Variants in CAMK1D observed in about 807,000 individuals in gnomAD.
The protein encoded by CAMK1D is calcium/calmodulin dependent protein kinase ID, also known as calcium/calmodulin-dependent protein kinase type 1D.
A neutral mutation model predicts 47.7 loss-of-function variants in CAMK1D; 9 were observed. The observed-to-expected ratio is 0.19, with a 90% confidence interval of 0.11 to 0.33. The LOEUF (loss-of-function observed/expected upper bound fraction) is 0.33, where lower values mean the gene tolerates loss of function less well. CAMK1D is among the 10% of genes least tolerant of loss of function. The pLI, the probability that CAMK1D is intolerant of heterozygous loss-of-function variation, is 1.00. For missense variants in CAMK1D, 291 were observed against 488.7 expected (o/e 0.60, Z 3.81); for synonymous variants, 184 against 184.9 (o/e 0.99, Z 0.04).
intron 1 of CAMK1D, among the ~76,000 whole-genome samples, chr10:12,382,625 G>C (rs1291605257): frequency 6.6e-6 from 1 of 152,152 alleles, no homozygotes; most frequent in African/African-American, 2.4e-5. Context: ...AGGAGTTCCA[G>C]ACCAGTCTGG....
At chr10:12,542,067 T>C (rs771120666) in intron 1 of CAMK1D, among the ~76,000 whole-genome samples, 1 of 151,722 alleles carries the variant, frequency 6.6e-6, no homozygotes, top group Non-Finnish European at 1.5e-5. Context: ...CTGGTAGAGA[T>C]GGGGTTTTAC....
intron 5 of CAMK1D, among the ~76,000 whole-genome samples, chr10:12,772,770 G>A (rs538019578): frequency 8.3e-4 from 127 of 152,312 alleles, no homozygotes; most frequent in African/African-American, 2.9e-3. Context: ...GAGGAGGACT[G>A]TAGCAGTGGC....
intron 2 of CAMK1D, among the ~76,000 whole-genome samples, chr10:12,615,790 T>C (rs1189115604): frequency 1.3e-5 from 2 of 150,988 alleles, no homozygotes; most frequent in Non-Finnish European, 3.0e-5. Flanking sequence ...GTGTGTAGTG[T>C]GTAGGTATGT....
intron 3 of CAMK1D, among the ~76,000 whole-genome samples, chr10:12,743,016 G>A (rs1045727433): frequency 6.6e-6 from 1 of 152,174 alleles, no homozygotes; most frequent in Non-Finnish European, 1.5e-5. Context: ...CACCAGAAAA[G>A]AGGAAGAGTA....
chr10:12,516,994 A>G (rs1418367122), intron 1 of CAMK1D, among the ~76,000 whole-genome samples: 1 of 152,192 alleles, frequency 6.6e-6, no homozygotes, highest in Non-Finnish European at 1.5e-5. Context: ...TCTTTGTAGT[A>G]TTGACCTTCC....
At chr10:12,568,854 G>A (rs1837226789) in intron 2 of CAMK1D, among the ~76,000 whole-genome samples, 1 of 152,100 alleles carries the variant, frequency 6.6e-6, no homozygotes, top group Non-Finnish European at 1.5e-5. Context: ...CTCCCGGAGG[G>A]AATTCGTTTT....
chr10:12,780,059 T>C (rs1207681826), intron 5 of CAMK1D, among the ~76,000 whole-genome samples: 6 of 152,176 alleles, frequency 3.9e-5, no homozygotes, highest in Admixed American at 2.6e-4. Context: ...ACGTGTTTCA[T>C]CTTGTTCTTC....
chr10:12,565,081 T>G (rs1837079502), intron 2 of CAMK1D, among the ~76,000 whole-genome samples: 1 of 152,006 alleles, frequency 6.6e-6, no homozygotes, highest in Non-Finnish European at 1.5e-5. Flanking sequence ...TGTAGTGGCA[T>G]GTGCCTGTAG....
At chr10:12,493,032 A>T (rs1834433369) in intron 1 of CAMK1D, among the ~76,000 whole-genome samples, 11 of 152,158 alleles carry the variant, frequency 7.2e-5, no homozygotes, top group Admixed American at 4.6e-4. Context: ...TTATTCATGG[A>T]TGAAACCCTT....
intron 3 of CAMK1D, among the ~76,000 whole-genome samples, chr10:12,741,205 T>C (rs1300299252): frequency 6.6e-6 from 1 of 152,196 alleles, no homozygotes; most frequent in African/African-American, 2.4e-5. Context: ...GGTACAGAGT[T>C]TCCTGTCTTC....
intron 1 of CAMK1D, among the ~76,000 whole-genome samples, chr10:12,402,358 T>C (rs1169643019): frequency 6.6e-6 from 1 of 151,480 alleles, no homozygotes; most frequent in Non-Finnish European, 1.5e-5. Flanking sequence ...CTCAGCCTAC[T>C]GGGTAGCTGG....
At chr10:12,509,540 A>T (rs1834977176) in intron 1 of CAMK1D, among the ~76,000 whole-genome samples, 1 of 152,226 alleles carries the variant, frequency 6.6e-6, no homozygotes, top group Non-Finnish European at 1.5e-5. Flanking sequence ...TGAGCCCAGG[A>T]GTTCAAGACC....
chr10:12,414,579 C>T lies in CAMK1D; in HGVS notation c.92+64669C>T, dbSNP rs750260313. On this transcript the variant is annotated intron_variant, in intron 1 of 10. Coordinates refer to ENST00000619168, the MANE Select transcript of CAMK1D (RefSeq NM_153498.4). Reference sequence around the variant, plus strand: ...AACTTTTTACAGTTTTCTCGAGCCTCGCTGTTGGAATAAATTTAACACTAA... The same window carrying T: ...AACTTTTTACAGTTTTCTCGAGCCTTGCTGTTGGAATAAATTTAACACTAA... Among the ~76,000 whole-genome samples the T allele has an allele frequency of 7.9e-5, 12 of 152,134 alleles. No individual in the cohort carries two copies. In the South Asian group the frequency reaches 1.9e-3, roughly 24 times the overall value.
intron 2 of CAMK1D, among the ~76,000 whole-genome samples, chr10:12,631,599 C>T (rs573214266): frequency 6.6e-6 from 1 of 152,174 alleles, no homozygotes; most frequent in Admixed American, 6.5e-5. Flanking sequence ...GTTCAGTGTG[C>T]TCTCGTGGCT....
intron 2 of CAMK1D, among the ~76,000 whole-genome samples, chr10:12,664,715 A>G (rs909111904): frequency 1.3e-5 from 2 of 152,244 alleles, no homozygotes; most frequent in African/African-American, 4.8e-5. Context: ...AATTTCAGAT[A>G]AACAACCATG....
At chr10:12,585,005 C>G (rs980917695) in intron 2 of CAMK1D, among the ~76,000 whole-genome samples, 1 of 152,102 alleles carries the variant, frequency 6.6e-6, no homozygotes, top group Non-Finnish European at 1.5e-5. Flanking sequence ...AAAAGACTAC[C>G]AGGAACATTT....
At chr10:12,482,221 T>TC (rs1834085120) in intron 1 of CAMK1D, among the ~76,000 whole-genome samples, 1 of 152,210 alleles carries the variant, frequency 6.6e-6, no homozygotes, top group African/African-American at 2.4e-5. Context: ...TCTCCTTTCT[T>TC]CACCCCACCC....
intron 1 of CAMK1D, among the ~76,000 whole-genome samples, chr10:12,422,888 G>A (rs1840105670): frequency 6.6e-6 from 1 of 151,986 alleles, no homozygotes; most frequent in Admixed American, 6.6e-5. Flanking sequence ...GATCAGGCTG[G>A]TTTCGAACTC....
At chr10:12,433,864 AC>A (rs1464321523) in intron 1 of CAMK1D, among the ~76,000 whole-genome samples, 1 of 152,176 alleles carries the variant, frequency 6.6e-6, no homozygotes, top group African/African-American at 2.4e-5. Context: ...ACATACACAG[AC>A]TTCCTGTCGT....
Sources: allele counts gnomAD v4.1 joint callset (sites outside exome capture counted in the v4.1 genomes callset), GRCh38; gene constraint gnomAD v4.1.1; transcripts MANE v1.5; gene names NCBI Gene and HGNC (gene_info 2026-07-23, HGNC 2026-07-21).